The following PCDHGA3 variants were observed in gnomAD, a reference collection of about 807,000 sequenced individuals.
PCDHGA3 encodes the protein protocadherin gamma-A3.
In PCDHGA3, 40 loss-of-function variants were observed where a neutral mutation model predicts 58.5. The ratio of observed to expected loss-of-function variants is 0.68; its 90% CI spans 0.53 to 0.89. The LOEUF (loss-of-function observed/expected upper bound fraction) is 0.89. Ranked by LOEUF, PCDHGA3 falls within the 40% of genes least tolerant of loss-of-function variation. The pLI, the probability that PCDHGA3 is intolerant of heterozygous loss-of-function variation, is 0.00. For synonymous variants in PCDHGA3, 530 were observed against 525.7 expected (o/e 1.01, Z -0.11); for missense variants, 1,223 against 1,195.9 (o/e 1.02, Z -0.33).
At chr5:141,426,231 C>A in intron 1 of PCDHGA3, 1 of 158,042 alleles carries the variant, frequency 6.3e-6, no homozygotes, top group Non-Finnish European at 1.4e-5. Flanking sequence ...ATTTTAAAAG[C>A]ACTTTGTGAA....
Position 141,511,376 on chromosome 5 carries a change from G to C in PCDHGA3, c.*203G>C. ...CCAGGGGGTTGAATATGCAAAAGCA[G>C]TTCCGCTGGGAACCCCCATCCAATC... On this transcript the variant is annotated 3_prime_UTR_variant, in exon 4 of 4. Coordinates refer to ENST00000253812, the MANE Select transcript of PCDHGA3 (RefSeq NM_018916.4). 1 of 1,211,520 alleles carries C rather than the reference G, an allele frequency of 8.3e-7. No homozygotes were observed. The allele number at this position is 1,211,520 out of a possible 1,614,324, so 75.0% of individuals were successfully genotyped here.
intron 1 of PCDHGA3, chr5:141,351,494 G>T (rs1022210735): frequency 1.2e-6 from 2 of 1,613,868 alleles, no homozygotes; most frequent in African/African-American, 2.7e-5. Flanking sequence ...GGAGCAGACA[G>T]CAGACTACAA....
At chr5:141,372,521 G>A (rs1768831766) in intron 1 of PCDHGA3, 1 of 1,614,014 alleles carries the variant, frequency 6.2e-7, no homozygotes, top group Non-Finnish European at 8.5e-7. Flanking sequence ...CGGTGATTCT[G>A]GCAATCTCCC....
chr5:141,498,967 GGGAGGGAAGGAAGGAA>G (rs1333462541), intron 2 of PCDHGA3, among the ~76,000 whole-genome samples: 8 of 129,672 alleles, frequency 6.2e-5, no homozygotes, highest in East Asian at 2.2e-4. Context: ...GAGGGAGGGA[GGGAGGGAAGGAAGGAA>G]GGAAGGAAGG....
chr5:141,431,511 T>G lies in PCDHGA3; in HGVS notation c.2425-63296T>G, dbSNP rs1234369765. 6.2e-7 allele frequency: 1 copy of G among 1,614,018 alleles called. No individual in the cohort carries two copies. On this transcript the variant is annotated intron_variant, in intron 1 of 3. Transcript: ENST00000253812. The surrounding 1 kb of genome is among the most constrained non-coding windows in gnomAD (Gnocchi z 4.8). ...GCTCAGCCCGAGTACCGCGCGAGCGTTCCGGAGAATCTGGCCTTGGGCACG... is the reference window on the plus strand; with the variant it reads ...GCTCAGCCCGAGTACCGCGCGAGCGGTCCGGAGAATCTGGCCTTGGGCACG...
At chr5:141,360,896 A>T in intron 1 of PCDHGA3, 2 of 1,614,014 alleles carry the variant, frequency 1.2e-6, no homozygotes, top group Non-Finnish European at 1.7e-6. Context: ...CTGAGGGAGG[A>T]CGTGCCGCCG....
chr5:141,408,377 C>T (rs1322642798), intron 1 of PCDHGA3: 4 of 1,613,902 alleles, frequency 2.5e-6, no homozygotes, highest in Non-Finnish European at 3.4e-6. Context: ...GCTCAGTGTC[C>T]TGGATGTGTC....
At chr5:141,364,468 C>A (rs1305196130) in intron 1 of PCDHGA3, 9 of 1,614,006 alleles carry the variant, frequency 5.6e-6, no homozygotes, top group Non-Finnish European at 7.6e-6. Context: ...CCTTCGTCGG[C>A]AACATAGCCA....
chr5:141,361,426 C>T lies in PCDHGA3; in HGVS notation c.2424+14969C>T, dbSNP rs763880650. 8.7e-6 allele frequency: 14 copies of T among 1,614,034 alleles called. No individual in the cohort carries two copies. The Admixed American group carries it at 2.3e-4, about 27-fold the overall frequency. The stretch of plus-strand genomic sequence containing the variant: ...CACAGCCACCGACGGGGGCAAGCCG[C>T]CCCTCTCCTCCAGCATAATTGTCAC... On this transcript the variant is annotated intron_variant, in intron 1 of 3. Transcript: ENST00000253812.
chr5:141,485,938 A>G lies in PCDHGA3; in HGVS notation c.2425-8869A>G. The stretch of plus-strand genomic sequence containing the variant: ...ACAGGATTAGTGTGTTGGAGAGCGC[A>G]CCAGCGGGCATGGTGCTCATCCAGC... On this transcript the variant is annotated intron_variant, in intron 1 of 3. Transcript: ENST00000253812. The surrounding 1 kb of genome is among the most constrained non-coding windows in gnomAD (Gnocchi z 5.7). 6.2e-7 allele frequency: 1 copy of G among 1,614,162 alleles called. No individual in the cohort carries two copies. The highest frequency in any genetic ancestry group is 1.3e-5 in the African/African-American group (1 of 75,028).
At chr5:141,394,740 G>C in intron 1 of PCDHGA3, 2 of 1,613,404 alleles carry the variant, frequency 1.2e-6, no homozygotes, top group Non-Finnish European at 1.7e-6. Context: ...GCAGAGCCTC[G>C]TGGTGGCCGT....
chr5:141,403,927 G>A, intron 1 of PCDHGA3: 3 of 1,613,852 alleles, frequency 1.9e-6, no homozygotes, highest in East Asian at 2.2e-5. Context: ...AAGATGGTGG[G>A]GGATTGAAAG....
At chr5:141,435,919 T>C (rs2097786247) in intron 1 of PCDHGA3, among the ~76,000 whole-genome samples, 2 of 152,148 alleles carry the variant, frequency 1.3e-5, no homozygotes, top group South Asian at 4.1e-4. Flanking sequence ...GGCTCTAAAA[T>C]GCGGCAGTTG....
chr5:141,401,106 G>A (rs1259844433), intron 1 of PCDHGA3, among the ~76,000 whole-genome samples: 5 of 152,208 alleles, frequency 3.3e-5, no homozygotes, highest in African/African-American at 9.6e-5. Context: ...CACTTTGGGA[G>A]GCCGAGGCGG....
intron 1 of PCDHGA3, chr5:141,384,761 TG>T (rs747704737): frequency 9.3e-6 from 15 of 1,613,968 alleles, no homozygotes; most frequent in Non-Finnish European, 1.3e-5. Flanking sequence ...GCGGTTGGGC[TG>T]TACACGGGCG....
intron 1 of PCDHGA3, chr5:141,410,721 A>G (rs2154543206): frequency 1.5e-5 from 21 of 1,395,496 alleles, no homozygotes; most frequent in Non-Finnish European, 2.0e-5. Context: ...ATATGTTTAA[A>G]ATCCATAGCT....
In PCDHGA3 at chr5:141,476,327, G is replaced by A. The variant is rs2099389169; in HGVS notation, c.2425-18480G>A. The A allele has an allele frequency of 1.2e-6, 2 of 1,614,192 alleles. No individual in the cohort carries two copies. Among genetic ancestry groups the A allele is most frequent in the African/African-American group, 1.3e-5 (1 of 75,046 alleles). On this transcript the variant is annotated intron_variant, in intron 1 of 3. Transcript: ENST00000253812. The surrounding 1 kb of genome is among the most constrained non-coding windows in gnomAD (Gnocchi z 7.6). ...AGCCCGCAGGTTCCGGGTGGTGTCT[G>A]GAGCTAGCCGAAGATTCTTTGAGGT...
At chr5:141,414,266 C>T in intron 1 of PCDHGA3, 1 of 1,613,254 alleles carries the variant, frequency 6.2e-7, no homozygotes, top group Non-Finnish European at 8.5e-7. Context: ...ACTGAAGATT[C>T]ACCTCTGGGA....
At chr5:141,496,285 A>G (rs1003747820) in intron 2 of PCDHGA3, among the ~76,000 whole-genome samples, 1 of 152,210 alleles carries the variant, frequency 6.6e-6, no homozygotes, top group Non-Finnish European at 1.5e-5. Flanking sequence ...AGTTGGTCTG[A>G]GCAGAGTGGG....
Sources: gnomAD v4.1 joint callset for allele counts (sites outside exome capture counted in the v4.1 genomes callset) on GRCh38, gnomAD v4.1.1 for gene constraint, Gnocchi (gnomAD v3.1) non-coding constraint, MANE v1.5 for transcripts, NCBI Gene and HGNC (gene_info 2026-07-23, HGNC 2026-07-21) for gene names.